MSRA: variants seen among roughly 807,000 people sequenced by gnomAD.
MSRA encodes mitochondrial peptide methionine sulfoxide reductase.
Under a neutral mutation model 31.3 loss-of-function variants are expected in MSRA, and 54 were observed. That is an observed-to-expected ratio of 1.73 (90% confidence interval 1.39 to 2.17). The LOEUF is 2.17. MSRA is among the 30% of genes most tolerant of loss of function. The probability of loss-of-function intolerance (pLI) is 0.00; values close to 1 mark genes in which losing one functional copy is unlikely to be tolerated. For synonymous variants in MSRA, 169 were observed against 116.5 expected (o/e 1.45, Z -2.90); for missense variants, 507 against 300.9 (o/e 1.69, Z -5.07).
chr8:10,251,986 T>C (rs1797942248), intron 3 of MSRA, among the ~76,000 whole-genome samples: 1 of 152,182 alleles, frequency 6.6e-6, no homozygotes, highest in Non-Finnish European at 1.5e-5. Context: ...TTCAGAAGGG[T>C]TCTGCAGGAG....
chr8:10,073,906 T>C lies in MSRA; in HGVS notation c.142+19248T>C, dbSNP rs765771950. On this transcript the variant is annotated intron_variant, in intron 1 of 5. Transcript: ENST00000317173. Reference sequence around the variant, plus strand: ...CTTTCCTGCCTTGATTCTCTGACTGTTCCTATAGTTTGTATTGCTGTGTTT... The same window carrying C: ...CTTTCCTGCCTTGATTCTCTGACTGCTCCTATAGTTTGTATTGCTGTGTTT... 3.2e-4 allele frequency among the ~76,000 whole-genome samples: 49 copies of C among 152,054 alleles called. 1 individual carries two copies. The highest frequency in any genetic ancestry group is 6.5e-4 in the Non-Finnish European group (44 of 68,012).
chr8:10,121,686 T>C (rs1801119216), intron 1 of MSRA, among the ~76,000 whole-genome samples: 2 of 152,046 alleles, frequency 1.3e-5, no homozygotes, highest in Non-Finnish European at 1.5e-5. Context: ...TCTTTTTTTT[T>C]TGAGACTGGA....
intron 1 of MSRA, among the ~76,000 whole-genome samples, chr8:10,159,172 C>T (rs1804424951): frequency 6.6e-6 from 1 of 152,164 alleles, no homozygotes; most frequent in Non-Finnish European, 1.5e-5. Flanking sequence ...TCTAGAAATA[C>T]TGTCCGTAAG....
intron 1 of MSRA, among the ~76,000 whole-genome samples, chr8:10,057,719 G>A (rs1268300791): frequency 1.3e-5 from 2 of 152,148 alleles, no homozygotes; most frequent in Non-Finnish European, 2.9e-5. Context: ...TTGCCCCTTT[G>A]CGCTCTCTCG....
chr8:10,124,756 T>C (rs553318007), intron 1 of MSRA, among the ~76,000 whole-genome samples: 2 of 152,350 alleles, frequency 1.3e-5, no homozygotes, highest in East Asian at 1.9e-4. Context: ...GATTTTTTTT[T>C]GGTTGAGTTA....
intron 1 of MSRA, among the ~76,000 whole-genome samples, chr8:10,121,866 A>G (rs1431295318): frequency 1.3e-5 from 2 of 151,388 alleles, no homozygotes; most frequent in Admixed American, 1.3e-4. Context: ...TTTTTGGTAG[A>G]AACAGGGTTT....
chr8:10,153,124 C>G (rs1390861298), intron 1 of MSRA, among the ~76,000 whole-genome samples: 3 of 152,110 alleles, frequency 2.0e-5, no homozygotes, highest in African/African-American at 7.2e-5. Context: ...GAGCGGTACA[C>G]TTAGAAATGG....
At chr8:10,418,039 G>A (rs933292999) in intron 5 of MSRA, among the ~76,000 whole-genome samples, 1 of 152,068 alleles carries the variant, frequency 6.6e-6, no homozygotes, top group Non-Finnish European at 1.5e-5. Context: ...TTAGAAGCCC[G>A]ACCCTAATTT....
chr8:10,359,515 C>T (rs1804712230), intron 5 of MSRA, among the ~76,000 whole-genome samples: 1 of 152,120 alleles, frequency 6.6e-6, no homozygotes, highest in Non-Finnish European at 1.5e-5. Flanking sequence ...GGCATGCATT[C>T]ATTATCTGTA....
chr8:10,221,058 G>A (rs1377042441), intron 2 of MSRA, among the ~76,000 whole-genome samples: 1 of 152,230 alleles, frequency 6.6e-6, no homozygotes, highest in African/African-American at 2.4e-5. Context: ...CAGATATGCA[G>A]TGGGATGGCC....
intron 1 of MSRA, among the ~76,000 whole-genome samples, chr8:10,055,439 G>A (rs1802296200): frequency 6.6e-6 from 1 of 152,206 alleles, no homozygotes; most frequent in Non-Finnish European, 1.5e-5. Flanking sequence ...TTCCCAGAAC[G>A]AGGGCCACAC....
At chr8:10,151,368 G>A (rs1180466076) in intron 1 of MSRA, among the ~76,000 whole-genome samples, 2 of 152,140 alleles carry the variant, frequency 1.3e-5, no homozygotes, top group Non-Finnish European at 2.9e-5. Context: ...AGCAGGCCGG[G>A]CGTGGTGGCT....
At chr8:10,194,919 G>T (rs148041458) in intron 1 of MSRA, among the ~76,000 whole-genome samples, 7 of 152,258 alleles carry the variant, frequency 4.6e-5, no homozygotes, top group African/African-American at 1.7e-4. Context: ...TTCCGTTTCT[G>T]AAAAAGTAAT....
chr8:10,283,836 TAC>T (rs372503609), intron 3 of MSRA, among the ~76,000 whole-genome samples: 633 of 52,938 alleles, frequency 0.012, 6 homozygotes, highest in Admixed American at 0.038. Flanking sequence ...TATATATATA[TAC>T]ACACACACAC....
intron 5 of MSRA, among the ~76,000 whole-genome samples, chr8:10,386,748 G>A (rs1292447441): frequency 6.6e-6 from 1 of 151,980 alleles, no homozygotes. Flanking sequence ...CACAGGTGAT[G>A]GGTTCTACTT....
chr8:10,061,323 C>T (rs181654699), intron 1 of MSRA, among the ~76,000 whole-genome samples: 3 of 152,058 alleles, frequency 2.0e-5, no homozygotes, highest in Non-Finnish European at 4.4e-5. Flanking sequence ...TAGGAAAGAC[C>T]TGTATTGTCC....
chr8:10,421,276 C>T (rs1808796421), intron 5 of MSRA, among the ~76,000 whole-genome samples: 1 of 152,182 alleles, frequency 6.6e-6, no homozygotes, highest in African/African-American at 2.4e-5. Flanking sequence ...CCCAGGCTTC[C>T]CTGTCCTCAG....
chr8:10,340,939 T>C (rs768460043), intron 5 of MSRA, among the ~76,000 whole-genome samples: 4 of 152,168 alleles, frequency 2.6e-5, no homozygotes, highest in Non-Finnish European at 4.4e-5. Context: ...ATGCCCCTGA[T>C]AAGAAAGACA....
At chr8:10,326,522 G>C (rs1371965783) in intron 5 of MSRA, 2 of 152,160 alleles carry the variant, frequency 1.3e-5, no homozygotes, top group African/African-American at 4.8e-5. Flanking sequence ...AGTGAAACTT[G>C]AACTTCACGC....
Sources: gnomAD v4.1 joint callset for allele counts (sites outside exome capture counted in the v4.1 genomes callset) on GRCh38, gnomAD v4.1.1 for gene constraint, MANE v1.5 for transcripts, NCBI Gene and HGNC (gene_info 2026-07-23, HGNC 2026-07-21) for gene names.